Variants in RNF144A observed in about 807,000 individuals in gnomAD.
RNF144A encodes E3 ubiquitin-protein ligase RNF144A.
RNF144A carries 11 observed loss-of-function variants against 38.7 expected under a neutral mutation model. The ratio of observed to expected loss-of-function variants is 0.28; its 90% CI spans 0.18 to 0.47. RNF144A has a LOEUF of 0.47. Among genes scored for constraint, RNF144A ranks in the 20% least tolerant of loss-of-function variants. The probability of loss-of-function intolerance (pLI) is 0.99; values close to 1 mark genes in which losing one functional copy is unlikely to be tolerated. For synonymous variants in RNF144A, 149 were observed against 143.9 expected (o/e 1.04, Z -0.25); for missense variants, 316 against 377.2 (o/e 0.84, Z 1.34).
intron 1 of RNF144A, among the ~76,000 whole-genome samples, chr2:6,935,390 C>T (rs1665502957): frequency 6.6e-6 from 1 of 152,238 alleles, no homozygotes; most frequent in Non-Finnish European, 1.5e-5. Context: ...ACCACCCTCT[C>T]CTTGCAGCTC....
At chr2:7,030,570 A>C (rs1672233348) in intron 8 of RNF144A, among the ~76,000 whole-genome samples, 1 of 152,120 alleles carries the variant, frequency 6.6e-6, no homozygotes, top group African/African-American at 2.4e-5. Context: ...CCCTTAACAA[A>C]GAGCTTTCTC....
intron 6 of RNF144A, among the ~76,000 whole-genome samples, chr2:7,061,697 C>T (rs1454759772): frequency 6.6e-6 from 1 of 152,198 alleles, no homozygotes; most frequent in Non-Finnish European, 1.5e-5. Flanking sequence ...CCTAGAACTA[C>T]ATCTTACATT....
chr2:7,031,487 G>A (rs1672298063), intron 8 of RNF144A, among the ~76,000 whole-genome samples: 1 of 152,322 alleles, frequency 6.6e-6, no homozygotes, highest in African/African-American at 2.4e-5. Flanking sequence ...GCAGTCCACA[G>A]AGCAACCCTG....
chr2:6,926,624 T>C (rs1015368543), intron 1 of RNF144A, among the ~76,000 whole-genome samples: 10 of 152,200 alleles, frequency 6.6e-5, no homozygotes, highest in African/African-American at 2.2e-4. Context: ...GGAATCCCAG[T>C]CCTGTCCTGG....
intron 1 of RNF144A, among the ~76,000 whole-genome samples, chr2:6,923,870 C>G: frequency 6.6e-6 from 1 of 151,970 alleles, no homozygotes; most frequent in East Asian, 1.9e-4. Context: ...ATGTAACCAT[C>G]CTATTTCCTC....
At chr2:7,001,440 G>T (rs1436338528) in intron 3 of RNF144A, among the ~76,000 whole-genome samples, 1 of 152,184 alleles carries the variant, frequency 6.6e-6, no homozygotes, top group Non-Finnish European at 1.5e-5. Flanking sequence ...ATTTTGGGAG[G>T]CCGAGGTGGG....
intron 6 of RNF144A, among the ~76,000 whole-genome samples, chr2:7,064,848 A>T (rs1674135551): frequency 6.6e-6 from 1 of 152,360 alleles, no homozygotes; most frequent in South Asian, 2.1e-4. Flanking sequence ...GATCCCAGAA[A>T]GTTCTAAGCA....
chr2:7,021,184 G>A (rs748633428), intron 6 of RNF144A, among the ~76,000 whole-genome samples: 5 of 152,130 alleles, frequency 3.3e-5, no homozygotes, highest in Non-Finnish European at 5.9e-5. Flanking sequence ...GCCGCACCAC[G>A]CTCTGTACTT....
chr2:6,989,307 T>TGCCC (rs374424711), intron 2 of RNF144A, among the ~76,000 whole-genome samples: 9 of 152,022 alleles, frequency 5.9e-5, no homozygotes, highest in Non-Finnish European at 8.8e-5. Context: ...ATCTGAGACC[T>TGCCC]TCCACTCCAA....
downstream of RNF144A, among the ~76,000 whole-genome samples, chr2:7,048,250 C>T (rs767736258): frequency 1.3e-5 from 2 of 152,140 alleles, no homozygotes; most frequent in Non-Finnish European, 2.9e-5. Flanking sequence ...TTCAGATAAT[C>T]GCATACACAA....
chr2:6,999,091 A>G (rs543373929), intron 3 of RNF144A, among the ~76,000 whole-genome samples: 35 of 152,360 alleles, frequency 2.3e-4, no homozygotes, highest in Admixed American at 1.2e-3. Context: ...AATTGAGACC[A>G]AAAGCCTAAC....
intron 1 of RNF144A, among the ~76,000 whole-genome samples, chr2:6,937,906 A>G (rs748262339): frequency 6.6e-6 from 1 of 152,200 alleles, no homozygotes; most frequent in Non-Finnish European, 1.5e-5. Context: ...TAACGAGGGA[A>G]TATCTACCAA....
intron 2 of RNF144A, among the ~76,000 whole-genome samples, chr2:6,953,286 C>T (rs185627605): frequency 4.6e-5 from 7 of 151,968 alleles, no homozygotes; most frequent in South Asian, 2.1e-4. Flanking sequence ...AAAATTAGAG[C>T]GGCATGGTGG....
At position 7,001,940 on chromosome 2, in the gene RNF144A, A is replaced by G. The variant is rs374220608; in HGVS notation, c.135+4879A>G. Among the ~76,000 whole-genome samples, 51 of 152,334 alleles carry G rather than the reference A, an allele frequency of 3.3e-4. No individual in the cohort carries two copies. In the East Asian group the frequency reaches 6.6e-3, roughly 20 times the overall value. On this transcript the variant is annotated intron_variant, in intron 3 of 8. Coordinates refer to ENST00000320892, the MANE Select transcript of RNF144A (RefSeq NM_014746.6). ...TCATCTCTAAAATATGATCAACCTCATGAACAAATTAAATGGGGCAATGGG... is the reference window on the plus strand; with the variant it reads ...TCATCTCTAAAATATGATCAACCTCGTGAACAAATTAAATGGGGCAATGGG...
At chr2:6,947,218 AAT>A (rs761717888) in intron 2 of RNF144A, among the ~76,000 whole-genome samples, 1 of 152,084 alleles carries the variant, frequency 6.6e-6, no homozygotes, top group East Asian at 1.9e-4. Flanking sequence ...TTCTGTTTTT[AAT>A]AGTTTATTTT....
At chr2:7,033,169 A>T (rs1341218347) in intron 8 of RNF144A, among the ~76,000 whole-genome samples, 4 of 152,244 alleles carry the variant, frequency 2.6e-5, no homozygotes. Flanking sequence ...CCACATACTC[A>T]GGCTTACCAT....
intron 2 of RNF144A, among the ~76,000 whole-genome samples, chr2:6,945,922 T>G (rs1012449529): frequency 1.3e-5 from 2 of 152,116 alleles, no homozygotes; most frequent in South Asian, 4.1e-4. Context: ...GGGGAGCCCC[T>G]TGGAGCCTGG....
chr2:7,075,158 A>G, the RNF144A span, among the ~76,000 whole-genome samples: 1 of 152,056 alleles, frequency 6.6e-6, no homozygotes, highest in African/African-American at 2.4e-5. Context: ...GGAATAATAA[A>G]ATGTTGGGAA....
intron 1 of RNF144A, among the ~76,000 whole-genome samples, chr2:6,921,048 C>A (rs140795749): frequency 9.9e-5 from 15 of 152,260 alleles, no homozygotes; most frequent in African/African-American, 3.6e-4. Context: ...GACGACTCAC[C>A]AAGTACAACC....
Sources: allele counts gnomAD v4.1 joint callset (sites outside exome capture counted in the v4.1 genomes callset), GRCh38; gene constraint gnomAD v4.1.1; transcripts MANE v1.5; gene names NCBI Gene and HGNC (gene_info 2026-07-23, HGNC 2026-07-21).